Variants in SDK2 observed in about 807,000 individuals in gnomAD.
SDK2 encodes protein sidekick-2.
In SDK2, 105 loss-of-function variants were observed where a neutral mutation model predicts 253.9. That is an observed-to-expected ratio of 0.41 (90% confidence interval 0.35 to 0.49). SDK2 has a LOEUF of 0.49. Among genes scored for constraint, SDK2 ranks in the 20% least tolerant of loss-of-function variants. SDK2 has a pLI of 0.06. For missense variants in SDK2, 2,608 were observed against 3,003.0 expected, an observed-to-expected ratio of 0.87 and a Z score of 3.07; for synonymous variants, 1,249 against 1,234.9, an observed-to-expected ratio of 1.01 and a Z score of -0.24.
intron 1 of SDK2, among the ~76,000 whole-genome samples, chr17:73,607,723 G>A (rs941253637): frequency 1.3e-5 from 2 of 152,166 alleles, no homozygotes; most frequent in South Asian, 2.1e-4. Flanking sequence ...GAGGCCACAC[G>A]GCTGGAAAGC....
chr17:73,589,417 C>T (rs557421869), intron 1 of SDK2, among the ~76,000 whole-genome samples: 9 of 152,212 alleles, frequency 5.9e-5, no homozygotes, highest in Non-Finnish European at 1.2e-4. Context: ...ATTTGCAGAG[C>T]TGGGAAAAGA....
intron 2 of SDK2, among the ~76,000 whole-genome samples, chr17:73,473,018 G>A (rs2063663141): frequency 6.6e-6 from 1 of 152,190 alleles, no homozygotes; most frequent in African/African-American, 2.4e-5. Flanking sequence ...CCAGTCTCAG[G>A]TATGTCTTTA....
At chr17:73,350,626 C>T (rs1045761406) in intron 42 of SDK2, 24 bp downstream of exon 42, 5 of 1,602,688 alleles carry the variant, frequency 3.1e-6, no homozygotes, top group East Asian at 2.2e-5. Context: ...GTCCAGCCAG[C>T]ATGGCTGGTG....
intron 2 of SDK2, among the ~76,000 whole-genome samples, chr17:73,491,016 A>AT (rs1466917050): frequency 6.6e-6 from 1 of 152,156 alleles, no homozygotes. Flanking sequence ...GGGCTTCTAG[A>AT]TTTTGTGCTC....
Position 73,401,144 on chromosome 17 carries a change from C to A in SDK2, c.2847G>T (p.Val949=). The A allele has an allele frequency of 6.4e-7, 1 of 1,560,632 alleles. No individual in the cohort carries two copies. Among genetic ancestry groups the A allele is most frequent in the Non-Finnish European group, 8.7e-7 (1 of 1,152,176 alleles). Residue 949 remains valine (V), a synonymous_variant, in exon 21 of 45, where the codon GTG becomes GTT. Transcript: ENST00000392650. ...GGCCCGTGACACGGTACTCCAGGGT[C>A]ACGTTGGGCAGGTAGTGGGTCACAC... is the stretch of plus-strand genomic sequence containing the variant. ...NTRVTHYLPN[V]TLEYRVTGLT... is the part of the protein sequence containing the mutation.
At chr17:73,486,693 C>T (rs1320813290) in intron 2 of SDK2, among the ~76,000 whole-genome samples, 2 of 151,056 alleles carry the variant, frequency 1.3e-5, no homozygotes, top group African/African-American at 4.9e-5. Flanking sequence ...GTCTGGGGTC[C>T]TGTACCCAGT....
At chr17:73,588,817 C>T (rs1010721200) in intron 1 of SDK2, among the ~76,000 whole-genome samples, 7 of 152,268 alleles carry the variant, frequency 4.6e-5, no homozygotes, top group African/African-American at 1.7e-4. Context: ...ACAAGCACAG[C>T]AGCTCTGGGT....
At chr17:73,576,000 A>G (rs12103858) in intron 1 of SDK2, among the ~76,000 whole-genome samples, 46,637 of 152,084 alleles carry the variant, frequency 0.31, 7,354 homozygotes, top group South Asian at 0.39. Context: ...GGATGACTTC[A>G]GCAAAAGACA....
rs529399377 is a variant in SDK2 at position 73,603,383 on chromosome 17, C to A, written c.64+40642G>T. On this transcript the variant is annotated intron_variant, in intron 1 of 44. Coordinates refer to ENST00000392650, the MANE Select transcript of SDK2 (RefSeq NM_001144952.2). ...GACTGAGAGGATTCATACTGACCGC[C>A]AATGTCCCTTCCCCTAGAAGATTCA... Among the ~76,000 whole-genome samples, 6 of 152,350 alleles carry A rather than the reference C, an allele frequency of 3.9e-5. 1 individual carries two copies. In the East Asian group the frequency reaches 1.2e-3, roughly 29 times the overall value.
chr17:73,420,380 G>T (rs2063219675), intron 15 of SDK2, among the ~76,000 whole-genome samples: 1 of 152,232 alleles, frequency 6.6e-6, no homozygotes, highest in Non-Finnish European at 1.5e-5. Flanking sequence ...CGCCCAGGCT[G>T]GAATGCAGTG....
intron 1 of SDK2, among the ~76,000 whole-genome samples, chr17:73,587,412 G>T (rs949425981): frequency 6.6e-6 from 1 of 152,196 alleles, no homozygotes; most frequent in Non-Finnish European, 1.5e-5. Context: ...CAACTGGGGC[G>T]CCCTCTGGCA....
chr17:73,513,920 T>C (rs928415513), intron 1 of SDK2: 1 of 152,192 alleles, frequency 6.6e-6, no homozygotes, highest in Non-Finnish European at 1.5e-5. Flanking sequence ...GGCACAGGCT[T>C]TTTCTAGTGG....
rs539631135 is a variant in SDK2 at position 73,352,363 on chromosome 17, C to T, written c.5758+110G>A. The T allele has an allele frequency of 1.8e-4, 236 of 1,348,364 alleles. No individual in the cohort carries two copies. The highest frequency in any genetic ancestry group is 7.6e-4 in the Middle Eastern group (3 of 3,958). 83.5% of individuals were successfully genotyped at this position (1,348,364 alleles called of 1,614,324 possible). The stretch of plus-strand genomic sequence containing the variant: ...CGAGGGGACAATGTGTTTTTGTTCC[C>T]GCCCCATGCTCCTGGTGCCCTGGTG... On this transcript the variant is annotated intron_variant, in intron 41 of 44. Coordinates refer to ENST00000392650, the MANE Select transcript of SDK2 (RefSeq NM_001144952.2). The surrounding 1 kb of genome is among the most constrained non-coding windows in gnomAD (Gnocchi z 4.1).
intron 15 of SDK2, among the ~76,000 whole-genome samples, chr17:73,419,715 ACAAC>A (rs772205582): frequency 4.9e-4 from 37 of 74,858 alleles, no homozygotes; most frequent in Admixed American, 8.3e-4. Context: ...ACCAAAAAAA[ACAAC>A]AAAAAAAACC....
rs2063457912 is a variant in SDK2, at chr17:73,447,071, A to T, written c.613+544T>A. On this transcript the variant is annotated intron_variant, in intron 5 of 44. Coordinates refer to ENST00000392650, the MANE Select transcript of SDK2 (RefSeq NM_001144952.2). This position sits in a 1 kb window ranked among gnomAD's most constrained non-coding sequence, Gnocchi z 4.0. The stretch of plus-strand genomic sequence containing the variant: ...AGGGCTTTGCCCTTTTCGCCCAGGG[A>T]GCTGGAGGTGTCTGAGGATGGAGGT... Among the ~76,000 whole-genome samples, 1 of 152,056 alleles carries T rather than the reference A, an allele frequency of 6.6e-6. No individual in the cohort carries two copies. Among genetic ancestry groups the T allele is most frequent in the South Asian group, 2.1e-4 (1 of 4,806 alleles).
chr17:73,365,344 A>G lies in SDK2; in HGVS notation c.5219T>C (p.Val1740Ala). 1.9e-6 allele frequency: 3 copies of G among 1,612,744 alleles called. No individual in the cohort carries two copies. Among genetic ancestry groups the G allele is most frequent in the Non-Finnish European group, 2.5e-6 (3 of 1,179,436 alleles). ...CTGCGGGGCTTCCCAGGACACATTCACTGAGGTTGTGGTCAGCTCACTGAA... is the reference window on the plus strand; with the variant it reads ...CTGCGGGGCTTCCCAGGACACATTCGCTGAGGTTGTGGTCAGCTCACTGAA... ...VKFSELTTTS[V>A]NVSWEAPQFP... Residue 1740 changes from valine to alanine, a missense_variant, in exon 38 of 45, where the codon GTG becomes GCG. Physicochemically the swap from Val to Ala is moderately conservative, Grantham distance 64. This residue lies in a region of SDK2 where 1,103 missense variants were observed against 1,143.9 expected (regional missense o/e 0.96). Coordinates refer to ENST00000392650, the MANE Select transcript of SDK2 (RefSeq NM_001144952.2).
intron 1 of SDK2, among the ~76,000 whole-genome samples, chr17:73,530,708 C>A (rs112221333): frequency 1.2e-3 from 177 of 152,278 alleles, no homozygotes; most frequent in African/African-American, 4.1e-3. Flanking sequence ...TCTCAATTAC[C>A]CCTGGCATTC....
intron 30 of SDK2, among the ~76,000 whole-genome samples, chr17:73,386,996 T>G (rs1828230400): frequency 6.6e-6 from 1 of 152,216 alleles, no homozygotes; most frequent in African/African-American, 2.4e-5. Flanking sequence ...AGTCTCACTC[T>G]GTTGCCCAGG....
At chr17:73,346,211 GAAA>G (rs966595517) in intron 44 of SDK2, among the ~76,000 whole-genome samples, 3 of 111,996 alleles carry the variant, frequency 2.7e-5, no homozygotes, top group African/African-American at 6.5e-5. Context: ...TCCGTCTCAA[GAAA>G]AAAAAAAAAA....
Sources: allele counts gnomAD v4.1 joint callset (sites outside exome capture counted in the v4.1 genomes callset), GRCh38; gene constraint gnomAD v4.1.1; regional missense constraint gnomAD v4.1.1; non-coding constraint Gnocchi (gnomAD v3.1); transcripts MANE v1.5; gene names NCBI Gene and HGNC (gene_info 2026-07-23, HGNC 2026-07-21).